DNAI4: variants seen among roughly 807,000 people sequenced by gnomAD.
DNAI4 encodes the protein dynein axonemal intermediate chain 4.
A neutral mutation model predicts 105.8 loss-of-function variants in DNAI4; 85 were observed. The ratio of observed to expected loss-of-function variants is 0.80; its 90% CI spans 0.67 to 0.96. DNAI4 has a LOEUF of 0.96. DNAI4 is among the 40% of genes least tolerant of loss of function. The pLI is 0.00. For synonymous variants in DNAI4, 352 were observed against 331.5 expected, an observed-to-expected ratio of 1.06 and a Z score of -0.67; for missense variants, 1,014 against 1,005.6, an observed-to-expected ratio of 1.01 and a Z score of -0.11.
intron 15 of DNAI4, among the ~76,000 whole-genome samples, chr1:66,824,389 G>A (rs1645704069): frequency 6.6e-6 from 1 of 151,984 alleles, no homozygotes; most frequent in Non-Finnish European, 1.5e-5. Flanking sequence ...ACTTGGCGAT[G>A]CGGGCTCTTT....
intron 2 of DNAI4, among the ~76,000 whole-genome samples, chr1:66,894,889 G>C (rs140481768): frequency 1.8e-4 from 28 of 152,110 alleles, no homozygotes; most frequent in African/African-American, 6.5e-4. Flanking sequence ...TTAGCCTTTA[G>C]CATTTACATA....
intron 7 of DNAI4, among the ~76,000 whole-genome samples, chr1:66,853,556 C>CA (rs1455662549): frequency 6.6e-6 from 1 of 152,170 alleles, no homozygotes; most frequent in Non-Finnish European, 1.5e-5. Context: ...CTATGTTAAA[C>CA]AAATTTCCAA....
At chr1:66,873,857 T>C (rs1229143282) in intron 5 of DNAI4, among the ~76,000 whole-genome samples, 1 of 147,048 alleles carries the variant, frequency 6.8e-6, no homozygotes, top group Non-Finnish European at 1.5e-5. Context: ...CTTTCCTTTT[T>C]TTTTTTTTTT....
At chr1:66,835,554 A>C in intron 11 of DNAI4, 72 bp downstream of exon 11, 3 of 1,480,720 alleles carry the variant, frequency 2.0e-6, no homozygotes, top group Non-Finnish European at 2.8e-6. Flanking sequence ...TTTACTCAAA[A>C]CTAAATAACA....
intron 1 of DNAI4, among the ~76,000 whole-genome samples, chr1:66,911,715 T>C (rs1184168930): frequency 6.6e-6 from 1 of 152,218 alleles, no homozygotes; most frequent in Admixed American, 6.5e-5. Context: ...AATCTCCAAA[T>C]CATTATATCC....
chr1:66,847,341 T>C (rs1472363110), intron 8 of DNAI4, 143 bp downstream of exon 8: 1 of 669,702 alleles, frequency 1.5e-6, no homozygotes, highest in Non-Finnish European at 2.5e-6. Context: ...TCACCCAGGC[T>C]GGAGTGCAGT....
At chr1:66,906,000 C>T (rs544695628) in intron 1 of DNAI4, among the ~76,000 whole-genome samples, 96 of 149,578 alleles carry the variant, frequency 6.4e-4, no homozygotes, top group African/African-American at 2.1e-3. Context: ...CTCGGCTCAC[C>T]GCAACCTCCG....
At chr1:66,847,437 C>T (rs757607558) in intron 8 of DNAI4, 47 bp downstream of exon 8, 2 of 1,552,374 alleles carry the variant, frequency 1.3e-6, no homozygotes, top group South Asian at 1.2e-5. Context: ...GGATTATAAG[C>T]ATAAGCAACT....
intron 1 of DNAI4, among the ~76,000 whole-genome samples, chr1:66,920,678 G>A (rs970379976): frequency 1.3e-5 from 2 of 152,126 alleles, no homozygotes; most frequent in East Asian, 1.9e-4. Flanking sequence ...CCCTGCCAGC[G>A]CCTGCACACT....
At chr1:66,898,284 G>C (rs997083684) in intron 2 of DNAI4, among the ~76,000 whole-genome samples, 13 of 152,116 alleles carry the variant, frequency 8.5e-5, no homozygotes, top group Non-Finnish European at 1.6e-4. Flanking sequence ...CTTTTGAGTT[G>C]ATGTTGGAAT....
intron 8 of DNAI4, 101 bp downstream of exon 8, chr1:66,847,383 T>C: frequency 8.7e-7 from 1 of 1,153,392 alleles, no homozygotes; most frequent in South Asian, 1.5e-5. Flanking sequence ...AACCTTGAAC[T>C]CCTGGGCCCA....
At chr1:66,892,987 AAG>A (rs1557964593) in intron 3 of DNAI4, among the ~76,000 whole-genome samples, 1 of 120,846 alleles carries the variant, frequency 8.3e-6, no homozygotes, top group Non-Finnish European at 1.8e-5. Context: ...GAAAGAAAGA[AAG>A]AAAGAAAGAG....
chr1:66,845,190 C>CAAAAAAAAAAAAAAAAAAAAAAAAAA (rs59265844), intron 8 of DNAI4, among the ~76,000 whole-genome samples: 10 of 106,318 alleles, frequency 9.4e-5, no homozygotes, highest in African/African-American at 2.0e-4. Flanking sequence ...AACTCCATCT[C>CAAAAAAAAAAAAAAAAAAAAAAAAAA]AAAAAAAAAA....
At chr1:66,835,113 C>T (rs1388956648) in intron 11 of DNAI4, among the ~76,000 whole-genome samples, 2 of 151,940 alleles carry the variant, frequency 1.3e-5, no homozygotes, top group African/African-American at 4.8e-5. Context: ...GTTACATGTC[C>T]CATGTTATAT....
intron 1 of DNAI4, among the ~76,000 whole-genome samples, chr1:66,907,753 C>T (rs904259076): frequency 6.6e-6 from 1 of 152,196 alleles, no homozygotes; most frequent in African/African-American, 2.4e-5. Flanking sequence ...CTCTTAGCTC[C>T]TTGAAATCTT....
chr1:66,898,108 A>T (rs1648494572), intron 2 of DNAI4, among the ~76,000 whole-genome samples: 1 of 152,218 alleles, frequency 6.6e-6, no homozygotes. Context: ...CTCCAGCTTT[A>T]AAGTTTAATG....
At chr1:66,914,995 CA>C (rs1460427191) in intron 1 of DNAI4, among the ~76,000 whole-genome samples, 68 of 152,108 alleles carry the variant, frequency 4.5e-4, no homozygotes, top group South Asian at 2.1e-4. Flanking sequence ...TAAGAATTGC[CA>C]GCATACATTT....
At chr1:66,826,429 G>C (rs1248839832) in intron 15 of DNAI4, among the ~76,000 whole-genome samples, 2 of 152,008 alleles carry the variant, frequency 1.3e-5, no homozygotes. Context: ...CTTCCAAGTA[G>C]CTGGAACTAC....
intron 6 of DNAI4, among the ~76,000 whole-genome samples, chr1:66,868,891 C>T (rs1646784783): frequency 1.3e-5 from 2 of 151,846 alleles, no homozygotes; most frequent in Non-Finnish European, 2.9e-5. Flanking sequence ...TCCTGGCCAA[C>T]ACAGTAAAAT....
Sources: gnomAD v4.1 joint callset for allele counts (sites outside exome capture counted in the v4.1 genomes callset) on GRCh38, gnomAD v4.1.1 for gene constraint, MANE v1.5 for transcripts, NCBI Gene and HGNC (gene_info 2026-07-23, HGNC 2026-07-21) for gene names.